The following UTS2 variants were observed in gnomAD, a reference collection of about 807,000 sequenced individuals.
UTS2 encodes the protein urotensin-2.
A neutral mutation model predicts 12.6 loss-of-function variants in UTS2; 10 were observed. The ratio of observed to expected loss-of-function variants is 0.80; its 90% confidence interval spans 0.49 to 1.35. The LOEUF is 1.35. UTS2 is among the 40% of genes most tolerant of loss of function. The probability of loss-of-function intolerance (pLI) is 0.00; values close to 1 mark genes in which losing one functional copy is unlikely to be tolerated. For synonymous variants in UTS2, 52 were observed against 50.0 expected (o/e 1.04, Z -0.17); for missense variants, 142 against 143.2 (o/e 0.99, Z 0.04).
At chr1:7,854,854 C>CAATAAT (rs140765929), upstream of UTS2, among the ~76,000 whole-genome samples, 443 of 151,518 alleles carry the variant, frequency 2.9e-3, 3 homozygotes, top group African/African-American at 0.01. Flanking sequence ...AAACTAATAA[C>CAATAAT]AATAATAATA....
chr1:7,891,543 A>AGAAAGAAG, the UTS2 span, among the ~76,000 whole-genome samples: 2 of 127,030 alleles, frequency 1.6e-5, no homozygotes, highest in Admixed American at 1.5e-4. Context: ...AAGAAAAGAA[A>AGAAAGAAG]GAAAGAAAGA....
the UTS2 span, among the ~76,000 whole-genome samples, chr1:7,900,373 G>A: frequency 3.2e-4 from 49 of 152,122 alleles, no homozygotes; most frequent in East Asian, 8.9e-3. Flanking sequence ...CACTTGGCCT[G>A]GCGACAGAGC....
chr1:7,879,452 T>C, the UTS2 span, among the ~76,000 whole-genome samples: 1 of 152,026 alleles, frequency 6.6e-6, no homozygotes, highest in African/African-American at 2.4e-5. Context: ...TAATAAGTCT[T>C]GAAACAAGTC....
upstream of UTS2, among the ~76,000 whole-genome samples, chr1:7,857,907 A>G (rs952487431): frequency 6.6e-6 from 1 of 151,664 alleles, no homozygotes; most frequent in African/African-American, 2.4e-5. Context: ...TTACATGTGC[A>G]TGTTTATGCT....
At chr1:7,889,699 T>C in the UTS2 span, among the ~76,000 whole-genome samples, 2 of 152,020 alleles carry the variant, frequency 1.3e-5, no homozygotes. Context: ...TGGGCACCTG[T>C]AGTCCCAGCT....
upstream of UTS2, among the ~76,000 whole-genome samples, chr1:7,856,982 A>G (rs1638324545): frequency 6.6e-6 from 1 of 151,718 alleles, no homozygotes; most frequent in African/African-American, 2.4e-5. Context: ...AATTGCTTGA[A>G]CCCAGGAGGT....
At chr1:7,853,222 A>G, upstream of UTS2, 1 of 1,580,012 alleles carries the variant, frequency 6.3e-7, no homozygotes, top group Non-Finnish European at 8.6e-7. Context: ...TAGACAATAA[A>G]TTAACTGTCT....
At chr1:7,911,410 G>T in the UTS2 span, among the ~76,000 whole-genome samples, 1 of 151,962 alleles carries the variant, frequency 6.6e-6, no homozygotes, top group Non-Finnish European at 1.5e-5. Flanking sequence ...GAGGCACTGG[G>T]CTAAATACCT....
chr1:7,850,792 A>G lies in UTS2; in HGVS notation c.214+20T>C. The G allele has an allele frequency of 6.2e-7, 1 of 1,611,298 alleles. No individual in the cohort carries two copies. On this transcript the variant is annotated intron_variant, in intron 2 of 3. Coordinates refer to ENST00000361696, the MANE Select transcript of UTS2 (RefSeq NM_006786.4). The stretch of plus-strand genomic sequence containing the variant: ...GTAGCAATTAAATCAGACACGCTAT[A>G]AACATGAGAAGCATTTTACCTGCTT...
chr1:7,854,726 G>A (rs777873422), upstream of UTS2, among the ~76,000 whole-genome samples: 55 of 152,032 alleles, frequency 3.6e-4, no homozygotes, highest in Non-Finnish European at 6.5e-4. Flanking sequence ...TATAGTTGAA[G>A]ATTTCTAAAA....
At chr1:7,903,870 C>G in the UTS2 span, among the ~76,000 whole-genome samples, 1 of 152,024 alleles carries the variant, frequency 6.6e-6, no homozygotes, top group African/African-American at 2.4e-5. Flanking sequence ...TTCATCTTTC[C>G]CATGAAAATA....
the UTS2 span, among the ~76,000 whole-genome samples, chr1:7,902,139 C>A: frequency 6.6e-6 from 1 of 152,100 alleles, no homozygotes; most frequent in Non-Finnish European, 1.5e-5. Context: ...AATTCCCCAC[C>A]AGCTCCTACA....
the UTS2 span, among the ~76,000 whole-genome samples, chr1:7,884,833 C>T: frequency 7.1e-6 from 1 of 140,978 alleles, no homozygotes; most frequent in South Asian, 2.1e-4. Context: ...CATCATCCAC[C>T]CATCATACAC....
At chr1:7,863,500 A>G in the UTS2 span, among the ~76,000 whole-genome samples, 1 of 152,026 alleles carries the variant, frequency 6.6e-6, no homozygotes, top group Non-Finnish European at 1.5e-5. Flanking sequence ...CTCACTTACC[A>G]CGTTTTACTT....
the UTS2 span, among the ~76,000 whole-genome samples, chr1:7,869,744 G>A: frequency 1.1e-4 from 17 of 152,342 alleles, no homozygotes; most frequent in South Asian, 2.1e-4. Context: ...GAAGTCTGAC[G>A]TGGAAATAAA....
the UTS2 span, among the ~76,000 whole-genome samples, chr1:7,906,449 G>GAGAAAGGA: frequency 1.4e-5 from 1 of 73,226 alleles, no homozygotes; most frequent in African/African-American, 5.3e-5. Context: ...GAAAGAAAAA[G>GAGAAAGGA]AGAAAGAAAG....
the UTS2 span, among the ~76,000 whole-genome samples, chr1:7,902,845 G>A: frequency 6.6e-6 from 1 of 152,152 alleles, no homozygotes; most frequent in Admixed American, 6.5e-5. Context: ...CATCCCTGAA[G>A]AAGAGGCCTA....
the UTS2 span, among the ~76,000 whole-genome samples, chr1:7,899,350 C>T: frequency 0.011 from 1,702 of 152,272 alleles, 36 homozygotes; most frequent in African/African-American, 0.039. Context: ...CCATCTTTAT[C>T]CTGTTTCAGC....
the UTS2 span, among the ~76,000 whole-genome samples, chr1:7,871,834 T>C: frequency 3.3e-5 from 5 of 152,112 alleles, no homozygotes; most frequent in Non-Finnish European, 7.3e-5. Flanking sequence ...AAAATATGTG[T>C]TCTGACTGCT....
Sources: allele counts gnomAD v4.1 joint callset (sites outside exome capture counted in the v4.1 genomes callset), GRCh38; gene constraint gnomAD v4.1.1; transcripts MANE v1.5; gene names NCBI Gene and HGNC (gene_info 2026-07-23, HGNC 2026-07-21).